AGTPBP1: variants seen among roughly 807,000 people sequenced by gnomAD.
AGTPBP1 encodes the protein cytosolic carboxypeptidase 1.
In AGTPBP1, 70 loss-of-function variants were observed where a neutral mutation model predicts 143.9. The observed-to-expected ratio is 0.49, with a 90% CI of 0.40 to 0.59. The LOEUF is 0.59. Ranked by LOEUF, AGTPBP1 falls within the 20% of genes least tolerant of loss-of-function variation. The pLI is 0.00. For missense variants in AGTPBP1, 1,229 were observed against 1,464.5 expected, an observed-to-expected ratio of 0.84 and a Z score of 2.62; for synonymous variants, 463 against 500.2, an observed-to-expected ratio of 0.93 and a Z score of 0.99.
intron 9 of AGTPBP1, among the ~76,000 whole-genome samples, chr9:85,658,852 G>A (rs1265896221): frequency 1.3e-5 from 2 of 152,146 alleles, no homozygotes; most frequent in Non-Finnish European, 2.9e-5. Flanking sequence ...GTCTACAATA[G>A]CTAGTGTGCT....
intron 1 of AGTPBP1, among the ~76,000 whole-genome samples, chr9:85,738,835 C>A (rs1336130694): frequency 6.6e-6 from 1 of 151,980 alleles, no homozygotes; most frequent in Non-Finnish European, 1.5e-5. Flanking sequence ...AATTAATCTG[C>A]ACTAATACTG....
chr9:85,568,135 A>G (rs1827227239), intron 25 of AGTPBP1, among the ~76,000 whole-genome samples: 1 of 152,194 alleles, frequency 6.6e-6, no homozygotes, highest in Non-Finnish European at 1.5e-5. Context: ...TGGTCCATTG[A>G]CCAGTGTGGT....
chr9:85,688,465 A>AAGTGGGGC (rs1835637873), intron 3 of AGTPBP1, among the ~76,000 whole-genome samples: 1 of 152,174 alleles, frequency 6.6e-6, no homozygotes, highest in South Asian at 2.1e-4. Context: ...CTGGGGGAAA[A>AAGTGGGGC]AGTGGGGCAG....
At chr9:85,630,726 C>T (rs1410015452) in intron 14 of AGTPBP1, among the ~76,000 whole-genome samples, 1 of 151,988 alleles carries the variant, frequency 6.6e-6, no homozygotes, top group Non-Finnish European at 1.5e-5. Flanking sequence ...ATGATCCATC[C>T]ACCTTGGCCT....
upstream of AGTPBP1, among the ~76,000 whole-genome samples, chr9:85,742,701 T>C (rs1824444587): frequency 6.6e-6 from 1 of 152,248 alleles, no homozygotes; most frequent in African/African-American, 2.4e-5. Context: ...GAATGTTTTA[T>C]CTGAGCCAAA....
At chr9:85,548,475 T>C (rs1188786364) in intron 25 of AGTPBP1, among the ~76,000 whole-genome samples, 3 of 152,180 alleles carry the variant, frequency 2.0e-5, no homozygotes, top group Non-Finnish European at 4.4e-5. Flanking sequence ...AGTTCAGAGC[T>C]TGCAATATGA....
the AGTPBP1 span, among the ~76,000 whole-genome samples, chr9:85,753,699 C>A: frequency 6.6e-6 from 1 of 151,820 alleles, no homozygotes; most frequent in Admixed American, 6.6e-5. Context: ...CTGCAGTGAG[C>A]CGAGACCATG....
intron 25 of AGTPBP1, chr9:85,554,136 A>T (rs1468828015): frequency 6.6e-6 from 1 of 152,340 alleles, no homozygotes; most frequent in African/African-American, 2.4e-5. Flanking sequence ...TCAGCAAAGA[A>T]AAAAAGGTGC....
chr9:85,722,335 A>G (rs1460357236), intron 1 of AGTPBP1, among the ~76,000 whole-genome samples: 1 of 152,184 alleles, frequency 6.6e-6, no homozygotes, highest in Non-Finnish European at 1.5e-5. Flanking sequence ...GTCTTTTCAC[A>G]TAGTCACATA....
Position 85,621,298 on chromosome 9 carries a change from A to G in AGTPBP1, c.2016-13T>C. 1 of 1,337,364 alleles carries G rather than the reference A, an allele frequency of 7.5e-7. No homozygotes were observed. The allele number at this position is 1,337,364 out of a possible 1,614,324, so 82.8% of individuals were successfully genotyped here. On this transcript the variant is annotated splice_polypyrimidine_tract_variant and intron_variant, in intron 14 of 25. Coordinates refer to ENST00000357081, the MANE Select transcript of AGTPBP1 (RefSeq NM_001330701.2). The stretch of plus-strand genomic sequence containing the variant: ...AGCAATTTTTGTCCTGAAATCATAA[A>G]GGTTTAACCAAAATATATTATTATA...
chr9:85,642,985 T>G, intron 12 of AGTPBP1, 42 bp from the exon 13 acceptor site: 1 of 1,387,002 alleles, frequency 7.2e-7, no homozygotes, highest in Non-Finnish European at 1.0e-6. Flanking sequence ...AAAACAAAAT[T>G]TTTAAAAATT....
chr9:85,791,544 G>C, the AGTPBP1 span: 1 of 152,114 alleles, frequency 6.6e-6, no homozygotes, highest in African/African-American at 2.4e-5. Context: ...TGACTGGAGT[G>C]GGAGGGAGAC....
intron 1 of AGTPBP1, among the ~76,000 whole-genome samples, chr9:85,719,470 T>C (rs978344998): frequency 5.3e-5 from 8 of 152,050 alleles, no homozygotes; most frequent in Non-Finnish European, 1.2e-4. Context: ...CTGTCTGTAA[T>C]TGGTGTATAG....
intron 1 of AGTPBP1, 44 bp downstream of exon 1, chr9:85,741,731 A>C: frequency 7.8e-7 from 1 of 1,280,388 alleles, no homozygotes; most frequent in East Asian, 3.2e-5. Flanking sequence ...GGGAGAGCAG[A>C]GGGACGGCCG....
chr9:85,587,037 T>A (rs1243457944), intron 21 of AGTPBP1, 77 bp from the exon 22 acceptor site: 2 of 1,539,500 alleles, frequency 1.3e-6, no homozygotes, highest in East Asian at 4.6e-5. Context: ...AACCCTTATA[T>A]ACATATCTGA....
intron 17 of AGTPBP1, among the ~76,000 whole-genome samples, chr9:85,600,151 A>G (rs764075710): frequency 1.8e-4 from 27 of 152,230 alleles, no homozygotes; most frequent in Non-Finnish European, 2.6e-4. Flanking sequence ...CCTTTTAAGT[A>G]ACCTATTCTT....
rs74973409 is a variant in AGTPBP1 at position 85,737,508 on chromosome 9, T to C, written c.-34+4267A>G. On this transcript the variant is annotated intron_variant, in intron 1 of 25. Transcript: ENST00000357081. The stretch of plus-strand genomic sequence containing the variant: ...AATTCTGGAAAACTCATATCCACCA[T>C]TGTCATGTCAAGACCTAAACAGCTT... Among the ~76,000 whole-genome samples the C allele has an allele frequency of 5.3e-5, 8 of 152,358 alleles. No homozygotes were observed. The East Asian group carries it at 7.7e-4, about 15-fold the overall frequency.
the AGTPBP1 span, among the ~76,000 whole-genome samples, chr9:85,758,824 A>G: frequency 6.6e-6 from 1 of 152,200 alleles, no homozygotes; most frequent in African/African-American, 2.4e-5. Context: ...GGAGATTATC[A>G]AAGACATCAT....
Position 85,621,225 on chromosome 9 carries a change from C to T in AGTPBP1, c.2076G>A (p.Val692=), listed in dbSNP as rs751827244. 1.1e-5 allele frequency: 16 copies of T among 1,471,630 alleles called. No homozygotes were observed. The highest frequency in any genetic ancestry group is 1.5e-5 in the African/African-American group (1 of 67,960). The allele number at this position is 1,471,630 out of a possible 1,614,324, so 91.2% of individuals were successfully genotyped here. Residue 692 remains valine, a synonymous_variant, in exon 15 of 26, where the codon GTG becomes GTA. Coordinates refer to ENST00000357081, the MANE Select transcript of AGTPBP1 (RefSeq NM_001330701.2). ...ACTTTGGGTTATCCAAGTCATATAC[C>T]ACACGATCTATGATATCACTCTGAT... ...LIHQSDIIDR[V]VYDLDNPNYT... is the part of the protein sequence containing the mutation.
Sources: gnomAD v4.1 joint callset for allele counts (sites outside exome capture counted in the v4.1 genomes callset) on GRCh38, gnomAD v4.1.1 for gene constraint, MANE v1.5 for transcripts, NCBI Gene and HGNC (gene_info 2026-07-23, HGNC 2026-07-21) for gene names.